ADAP1: variants seen among roughly 807,000 people sequenced by gnomAD.
ADAP1 encodes the protein arf-GAP with dual PH domain-containing protein 1.
Under a neutral mutation model 54.9 loss-of-function variants are expected in ADAP1, and 31 were observed. The observed-to-expected ratio is 0.56, with a 90% confidence interval of 0.42 to 0.76. The LOEUF is 0.76. Ranked by LOEUF, ADAP1 falls within the 30% of genes least tolerant of loss-of-function variation. ADAP1 has a pLI of 0.00. For synonymous variants in ADAP1, 313 were observed against 202.6 expected, an observed-to-expected ratio of 1.55 and a Z score of -4.63; for missense variants, 535 against 512.4, an observed-to-expected ratio of 1.04 and a Z score of -0.42.
intron 1 of ADAP1, among the ~76,000 whole-genome samples, chr7:951,289 T>C (rs1326534940): frequency 4.8e-5 from 7 of 147,126 alleles, no homozygotes; most frequent in East Asian, 2.0e-4. Context: ...AGGAGAATGG[T>C]GTGAACCTGG....
chr7:905,941 GAAAGGAGA>G (rs1156979352), intron 4 of ADAP1, among the ~76,000 whole-genome samples: 7 of 338 alleles, frequency 0.021, 3 homozygotes, highest in African/African-American at 0.15. Context: ...GAGAAAGGGA[GAAAGGAGA>G]AAGGGAGAAA....
chr7:917,869 C>T (rs751553646), intron 4 of ADAP1, among the ~76,000 whole-genome samples: 3 of 152,002 alleles, frequency 2.0e-5, no homozygotes, highest in Non-Finnish European at 2.9e-5. Flanking sequence ...CTCCCAGGCT[C>T]AAGAGATCCT....
At chr7:927,554 G>A (rs1229108013) in intron 2 of ADAP1, 5 of 466,900 alleles carry the variant, frequency 1.1e-5, no homozygotes, top group Non-Finnish European at 2.2e-5. Flanking sequence ...ACCCTGCTCC[G>A]AGGATCACAT....
chr7:939,558 T>C (rs1301040655), intron 1 of ADAP1, among the ~76,000 whole-genome samples: 2 of 146,630 alleles, frequency 1.4e-5, no homozygotes, highest in Non-Finnish European at 3.0e-5. Flanking sequence ...TGGCTGCGTG[T>C]GGTGGCTCAC....
Position 911,898 on chromosome 7 carries a change from C to T in ADAP1, c.389-6726G>A, listed in dbSNP as rs1400394018. On this transcript the variant is annotated intron_variant, in intron 4 of 10. Transcript: ENST00000265846. ...CCACCTCTGGCCAGGCCCCAAACAC[C>T]CGTCCCCCCGAGGGGCAGCCCCACA... Among the ~76,000 whole-genome samples the T allele has an allele frequency of 2.0e-5, 3 of 152,116 alleles. No individual in the cohort carries two copies. The East Asian group carries it at 5.8e-4, about 29-fold the overall frequency.
chr7:922,594 C>T (rs1047934320), intron 3 of ADAP1, among the ~76,000 whole-genome samples: 13 of 152,124 alleles, frequency 8.5e-5, no homozygotes, highest in Non-Finnish European at 1.9e-4. Flanking sequence ...CCCTGAGGGT[C>T]CACTCCTGAG....
chr7:914,446 C>T (rs551826049), intron 4 of ADAP1, among the ~76,000 whole-genome samples: 82 of 152,312 alleles, frequency 5.4e-4, no homozygotes, highest in Non-Finnish European at 7.6e-4. Context: ...TTGGGAGGCC[C>T]GGGAACTGCC....
chr7:926,753 T>C lies in ADAP1; in HGVS notation c.214-109A>G, dbSNP rs1347494547. 5.5e-6 allele frequency: 5 copies of C among 905,212 alleles called. No homozygotes were observed. The highest frequency in any genetic ancestry group is 6.4e-6 in the Non-Finnish European group (4 of 621,892). 56.1% of individuals were successfully genotyped at this position (905,212 alleles called of 1,614,324 possible). ...ACAGTGACCCGCAGACCCAAGGCTCTGAGGGCTCCACCAGCACCAGGACGG... is the reference window on the plus strand; with the variant it reads ...ACAGTGACCCGCAGACCCAAGGCTCCGAGGGCTCCACCAGCACCAGGACGG... On this transcript the variant is annotated intron_variant, in intron 2 of 10. Transcript: ENST00000265846. This position sits in a 1 kb window ranked among gnomAD's most constrained non-coding sequence, Gnocchi z 4.6.
At chr7:930,815 T>TA (rs55747872) in intron 2 of ADAP1, among the ~76,000 whole-genome samples, 103,568 of 144,050 alleles carry the variant, frequency 0.72, 37,467 homozygotes, top group South Asian at 0.88. Context: ...AGACTGTCTC[T>TA]AAAAAAAAAA....
At position 922,856 on chromosome 7, in the gene ADAP1, C is replaced by T. The variant is rs1004185655; in HGVS notation, c.306-2806G>A. Reference sequence around the variant, plus strand: ...TGCCTCTCAGCAACACCCCCACCCCCGCCACCCCCGCCCCCATTGTCTATC... The same window carrying T: ...TGCCTCTCAGCAACACCCCCACCCCTGCCACCCCCGCCCCCATTGTCTATC... On this transcript the variant is annotated intron_variant, in intron 3 of 10. Transcript: ENST00000265846. 18 of 147,542 alleles carry T rather than the reference C, an allele frequency of 1.2e-4. 1 individual carries two copies. The highest frequency in any genetic ancestry group is 6.7e-4 in the Admixed American group (10 of 14,818). 9.1% of individuals were successfully genotyped at this position (147,542 alleles called of 1,614,324 possible).
chr7:918,657 G>A (rs1440436852), intron 4 of ADAP1, among the ~76,000 whole-genome samples: 1 of 152,148 alleles, frequency 6.6e-6, no homozygotes, highest in Non-Finnish European at 1.5e-5. Flanking sequence ...TTTGGACCCC[G>A]CCCTGCCCGT....
Position 944,255 on chromosome 7 carries a change from C to CT in ADAP1, c.83-8751dup, listed in dbSNP as rs373409871. Among the ~76,000 whole-genome samples, 1,070 of 135,402 alleles carry CT rather than the reference C, an allele frequency of 7.9e-3. 10 individuals are homozygous for CT. The highest frequency in any genetic ancestry group is 0.03 in the East Asian group (134 of 4,486). 88.8% of individuals were successfully genotyped at this position (135,402 alleles called of 152,430 possible). ...ATTTATTTTTCTTTATATTTTTAAC[C>CT]TTTTTTTTTTTTTTTTTGAGACAGA... On this transcript the variant is annotated intron_variant, in intron 1 of 10. Transcript: ENST00000265846.
chr7:913,044 C>A (rs2128101654), intron 4 of ADAP1, among the ~76,000 whole-genome samples: 1 of 151,388 alleles, frequency 6.6e-6, no homozygotes, highest in South Asian at 2.1e-4. Context: ...GGAGTCTCCC[C>A]ACGTTGCCCA....
rs1554270281 is a variant in ADAP1 at position 900,620 on chromosome 7, G to GGGGCAAAGGT, written c.649-14_649-5dup. On this transcript the variant is annotated splice_polypyrimidine_tract_variant and splice_region_variant and intron_variant, in intron 6 of 10. Coordinates refer to ENST00000265846, the MANE Select transcript of ADAP1 (RefSeq NM_006869.4). Reference sequence around the variant, plus strand: ...CATTGAACCAGTCCACAATCTCCTAGGGGCAAAGGTGGGCACAGGCTTGGG... The same window carrying GGGGCAAAGGT: ...CATTGAACCAGTCCACAATCTCCTAGGGGCAAAGGTGGGCAAAGGTGGGCACAGGCTTGGG... The GGGGCAAAGGT allele has an allele frequency of 1.6e-5, 24 of 1,515,872 alleles. No individual in the cohort carries two copies. The African/African-American group carries it at 2.9e-4, about 18-fold the overall frequency. 93.9% of individuals were successfully genotyped at this position (1,515,872 alleles called of 1,614,324 possible). A position where few individuals can be genotyped will look rare whatever the true frequency, so the allele number is the denominator to read the frequency against.
intron 1 of ADAP1, 148 bp from the exon 2 acceptor site, chr7:935,653 C>A: frequency 9.7e-7 from 1 of 1,029,142 alleles, no homozygotes; most frequent in Non-Finnish European, 1.4e-6. Flanking sequence ...GTGCGCCCCA[C>A]AGGCACCTAA....
rs2128106674 is a variant in ADAP1, at chr7:926,247, G to A, written c.305+306C>T. Reference sequence around the variant, plus strand: ...CCGTTCCCCTCCCAGACCGCCAGGAGCACCTGGGAGGGCCCCTCAGATCCA... The same window carrying A: ...CCGTTCCCCTCCCAGACCGCCAGGAACACCTGGGAGGGCCCCTCAGATCCA... On this transcript the variant is annotated intron_variant, in intron 3 of 10. Transcript: ENST00000265846. The surrounding 1 kb of genome is among the most constrained non-coding windows in gnomAD (Gnocchi z 4.6). 6.6e-6 allele frequency among the ~76,000 whole-genome samples: 1 copy of A among 151,658 alleles called. No individual in the cohort carries two copies. The highest frequency in any genetic ancestry group is 2.4e-5 in the African/African-American group (1 of 41,354).
rs1019426163 is a variant in ADAP1 at position 926,656 on chromosome 7, G to A, written c.214-12C>T. 2.5e-5 allele frequency: 38 copies of A among 1,538,852 alleles called. No homozygotes were observed. Among genetic ancestry groups the A allele is most frequent in the Non-Finnish European group, 3.2e-5 (36 of 1,142,078 alleles). ...TGGGAGGCCATGAACTGCAAGAGAG[G>A]AGGGGCCGGGTCAGAGGCCTGGGGT... On this transcript the variant is annotated splice_polypyrimidine_tract_variant and intron_variant, in intron 2 of 10. Transcript: ENST00000265846. This position sits in a 1 kb window ranked among gnomAD's most constrained non-coding sequence, Gnocchi z 4.6.
At chr7:953,669 G>A (rs984234715) in intron 1 of ADAP1, among the ~76,000 whole-genome samples, 3 of 152,236 alleles carry the variant, frequency 2.0e-5, no homozygotes, top group Admixed American at 1.3e-4. Context: ...CTGGGCACTG[G>A]GCCCCGTTCA....
At chr7:935,056 T>G (rs1242157935) in intron 2 of ADAP1, 5 of 504,784 alleles carry the variant, frequency 9.9e-6, no homozygotes, top group African/African-American at 1.9e-5. Context: ...AGCCCAGTGC[T>G]CCAGGTGTGG....
Sources: allele counts gnomAD v4.1 joint callset (sites outside exome capture counted in the v4.1 genomes callset), GRCh38; gene constraint gnomAD v4.1.1; non-coding constraint Gnocchi (gnomAD v3.1); transcripts MANE v1.5; gene names NCBI Gene and HGNC (gene_info 2026-07-23, HGNC 2026-07-21).